Variants in MRPL15 observed in about 807,000 individuals in gnomAD.
The protein encoded by MRPL15 is mitochondrial ribosomal protein L15, also known as large ribosomal subunit protein uL15m.
In MRPL15, 24 loss-of-function variants were observed where a neutral mutation model predicts 28.0. The observed-to-expected ratio is 0.86, with a 90% CI of 0.62 to 1.21. The LOEUF is 1.21. Among genes scored for constraint, MRPL15 ranks in the 50% most tolerant of loss-of-function variants. The pLI is 0.00. For missense variants in MRPL15, 343 were observed against 372.4 expected (o/e 0.92, Z 0.65); for synonymous variants, 124 against 137.0 (o/e 0.90, Z 0.66).
intron 4 of MRPL15, among the ~76,000 whole-genome samples, chr8:54,145,318 G>A (rs574871480): frequency 6.6e-6 from 1 of 152,124 alleles, no homozygotes; most frequent in Admixed American, 6.6e-5. Context: ...GGGCTCAAGT[G>A]ATCCTCCCAT....
chr8:54,146,941 G>C (rs1485987852), intron 4 of MRPL15, among the ~76,000 whole-genome samples: 1 of 152,056 alleles, frequency 6.6e-6, no homozygotes, highest in Non-Finnish European at 1.5e-5. Flanking sequence ...TAGTAAAATT[G>C]GTTTTCCAGA....
At chr8:54,140,351 C>T (rs1436816962) in intron 3 of MRPL15, among the ~76,000 whole-genome samples, 2 of 151,520 alleles carry the variant, frequency 1.3e-5, no homozygotes, top group African/African-American at 4.8e-5. Flanking sequence ...TTCACCTCCA[C>T]CTTGGGTTTA....
intron 4 of MRPL15, among the ~76,000 whole-genome samples, chr8:54,143,157 TG>T (rs1810961419): frequency 6.6e-6 from 1 of 152,130 alleles, no homozygotes; most frequent in Non-Finnish European, 1.5e-5. Context: ...CTCTGCTCAC[TG>T]CAACTTCTGC....
intron 3 of MRPL15, among the ~76,000 whole-genome samples, chr8:54,141,854 ATTT>A (rs11438921): frequency 1.4e-5 from 2 of 140,040 alleles, no homozygotes. Context: ...TGTTGTATTG[ATTT>A]TTTTTTTTTT....
chr8:54,145,648 T>A (rs903957383), intron 4 of MRPL15, among the ~76,000 whole-genome samples: 1 of 152,098 alleles, frequency 6.6e-6, no homozygotes, highest in Admixed American at 6.6e-5. Context: ...TTTTTTTGTT[T>A]TATGTTTTGT....
chr8:54,138,301 C>CT (rs71254537), intron 3 of MRPL15, among the ~76,000 whole-genome samples: 12,021 of 56,912 alleles, frequency 0.21, 2,704 homozygotes, highest in Non-Finnish European at 0.28. Flanking sequence ...TCAGGAAGAT[C>CT]TTTTTTTTTT....
chr8:54,138,777 T>C, intron 3 of MRPL15, among the ~76,000 whole-genome samples: 1 of 152,216 alleles, frequency 6.6e-6, no homozygotes, highest in Admixed American at 6.5e-5. Context: ...TCTTCCTCAC[T>C]AGAATATAAG....
intron 4 of MRPL15, among the ~76,000 whole-genome samples, chr8:54,143,983 A>T (rs1810975276): frequency 6.6e-6 from 1 of 152,264 alleles, no homozygotes; most frequent in South Asian, 2.1e-4. Flanking sequence ...ACACACATGC[A>T]CATGCATGGT....
chr8:54,135,570 CTTTTTTTTTTTT>C (rs537299219), intron 1 of MRPL15, among the ~76,000 whole-genome samples, 179 bp downstream of exon 1: 4 of 116,908 alleles, frequency 3.4e-5, no homozygotes, highest in East Asian at 2.2e-4. Context: ...GCACCCAGTT[CTTTTTTTTTTTT>C]TTTTTTTTTT....
At chr8:54,139,703 TGATTTCAGATTTGTAGTAAATA>T (rs1161084662) in intron 3 of MRPL15, among the ~76,000 whole-genome samples, 1 of 152,238 alleles carries the variant, frequency 6.6e-6, no homozygotes, top group Non-Finnish European at 1.5e-5. Context: ...TTTACTTCTG[TGATTTCAGATTTGTAGTAAATA>T]GTGAATAATA....
At chr8:54,147,242 A>T (rs1395900124) in intron 4 of MRPL15, 140 bp from the exon 5 acceptor site, 1 of 670,478 alleles carries the variant, frequency 1.5e-6, no homozygotes, top group Non-Finnish European at 2.3e-6. Context: ...CAAAAAAAAA[A>T]TAATAAAAAT....
chr8:54,144,725 G>A lies in MRPL15; in HGVS notation c.553+1939G>A, dbSNP rs114058585. Among the ~76,000 whole-genome samples, 255 of 151,876 alleles carry A rather than the reference G, an allele frequency of 1.7e-3. 2 individuals carry two copies. Among genetic ancestry groups the A allele is most frequent in the African/African-American group, 5.6e-3 (231 of 41,488 alleles). Reference sequence around the variant, plus strand: ...GCAGAGGTTGTAGTGAGCTGAGATCGCTGAGATCGCGCCACTGCACTCCAG... The same window carrying A: ...GCAGAGGTTGTAGTGAGCTGAGATCACTGAGATCGCGCCACTGCACTCCAG... On this transcript the variant is annotated intron_variant, in intron 4 of 4. Coordinates refer to ENST00000260102, the MANE Select transcript of MRPL15 (RefSeq NM_014175.4).
rs1031136636 is a variant in MRPL15, at chr8:54,143,996, GCACACGCA to G, written c.553+1221_553+1228del. Among the ~76,000 whole-genome samples, 169 of 152,346 alleles carry G rather than the reference GCACACGCA, an allele frequency of 1.1e-3. 1 individual carries two copies. The highest frequency in any genetic ancestry group is 3.8e-3 in the African/African-American group (158 of 41,568). Reference sequence around the variant, plus strand: ...GTACACACATGCACATGCATGGTGTGCACACGCACACACGCACAGTCACATCCTGTCCC... The same window carrying G: ...GTACACACATGCACATGCATGGTGTGCACACGCACAGTCACATCCTGTCCC... On this transcript the variant is annotated intron_variant, in intron 4 of 4. Transcript: ENST00000260102.
intron 4 of MRPL15, 92 bp downstream of exon 4, chr8:54,142,878 A>G: frequency 1.3e-6 from 2 of 1,528,194 alleles, no homozygotes; most frequent in South Asian, 1.2e-5. Flanking sequence ...AAATGTTGGT[A>G]GTAGTTTGGA....
Position 54,147,385 on chromosome 8 carries a change from T to G in MRPL15, c.557T>G (p.Ile186Ser). 1 of 1,595,900 alleles carries G rather than the reference T, an allele frequency of 6.3e-7. No individual in the cohort carries two copies. Among genetic ancestry groups the G allele is most frequent in the Non-Finnish European group, 8.5e-7 (1 of 1,171,034 alleles). ...TTAAATTTAAATTTTCTTTTAGACA[T>G]TGTATGCAAACCTGTTCCATTCTTT... ...TAFYDPRSLD[I>S]VCKPVPFFLR... is the part of the protein sequence containing the mutation. Residue 186 changes from isoleucine (I) to serine (S), a missense_variant, in exon 5 of 5, where the codon ATT (isoleucine) becomes AGT (serine). Transcript: ENST00000260102.
At position 54,136,530 on chromosome 8, in the gene MRPL15, G is replaced by T; in HGVS notation, c.128G>T (p.Arg43Leu). ...TTGCAGGAGAGAAGACCAAGAGGTC[G>T]GAGAAGAGGTAGAAAATGTGGCAGA... Reference protein sequence around the residue: ...SKKPERRPRGRRRGRKCGRGH... With the variant: ...SKKPERRPRGLRRGRKCGRGH... The change falls in exon 2 of 5, where the codon CGG becomes CTG. Residue 43 changes from arginine to leucine, a missense_variant. By Grantham distance (102) the Arg-to-Leu change is moderately radical. Transcript: ENST00000260102. The T allele has an allele frequency of 6.2e-7, 1 of 1,613,724 alleles. No homozygotes were observed. The highest frequency in any genetic ancestry group is 8.5e-7 in the Non-Finnish European group (1 of 1,179,860).
intron 3 of MRPL15, among the ~76,000 whole-genome samples, chr8:54,141,635 T>A (rs1810928002): frequency 6.6e-6 from 1 of 152,192 alleles, no homozygotes; most frequent in African/African-American, 2.4e-5. Context: ...CTCCTCTCAC[T>A]ACAATCCAGA....
At chr8:54,143,804 TC>T (rs2129240208) in intron 4 of MRPL15, among the ~76,000 whole-genome samples, 1 of 152,320 alleles carries the variant, frequency 6.6e-6, no homozygotes, top group Admixed American at 6.5e-5. Flanking sequence ...GGTTTGGCCT[TC>T]CTCCATACAC....
intron 1 of MRPL15, 65 bp downstream of exon 1, chr8:54,135,456 C>G: frequency 1.5e-6 from 2 of 1,376,278 alleles, no homozygotes; most frequent in Non-Finnish European, 2.0e-6. Context: ...GCCCTTCTCT[C>G]CCTGTCATTA....
Sources: gnomAD v4.1 joint callset for allele counts (sites outside exome capture counted in the v4.1 genomes callset) on GRCh38, gnomAD v4.1.1 for gene constraint, MANE v1.5 for transcripts, NCBI Gene and HGNC (gene_info 2026-07-23, HGNC 2026-07-21) for gene names.